CR1L: variants seen among roughly 807,000 people sequenced by gnomAD.
CR1L encodes complement component receptor 1-like protein.
A neutral mutation model predicts 62.3 loss-of-function variants in CR1L; 59 were observed. That is an observed-to-expected ratio of 0.95 (90% CI 0.77 to 1.18). The LOEUF (loss-of-function observed/expected upper bound fraction) is 1.18, where lower values mean the gene tolerates loss of function less well. Among genes scored for constraint, CR1L ranks in the 50% most tolerant of loss-of-function variants. CR1L has a pLI of 0.00. For missense variants in CR1L, 700 were observed against 702.8 expected, an observed-to-expected ratio of 1.00 and a Z score of 0.04; for synonymous variants, 279 against 248.7, an observed-to-expected ratio of 1.12 and a Z score of -1.15.
chr1:207,700,656 G>A lies in CR1L; in HGVS notation c.1229-863G>A, dbSNP rs141634529. ...CTGTGGCAGGGCTATTGTTATCACT[G>A]AGACTGATGATCAATATCAGTAAGT... On this transcript the variant is annotated intron_variant, in intron 8 of 11. Transcript: ENST00000508064. 6.1e-3 allele frequency among the ~76,000 whole-genome samples: 931 copies of A among 152,266 alleles called. 6 individuals carry two copies. The highest frequency in any genetic ancestry group is 0.021 in the African/African-American group (873 of 41,552).
chr1:207,693,246 T>G (rs1346827293), intron 4 of CR1L, among the ~76,000 whole-genome samples: 2 of 152,204 alleles, frequency 1.3e-5, no homozygotes, highest in Non-Finnish European at 2.9e-5. Flanking sequence ...GCCACCTCGG[T>G]AGCTGGGATT....
At chr1:207,673,979 C>T (rs193224801) in intron 1 of CR1L, among the ~76,000 whole-genome samples, 30 of 152,122 alleles carry the variant, frequency 2.0e-4, no homozygotes, top group Non-Finnish European at 4.0e-4. Flanking sequence ...TGAATATTAC[C>T]CAGCAACAAA....
intron 3 of CR1L, among the ~76,000 whole-genome samples, chr1:207,679,297 A>G (rs6687503): frequency 0.46 from 70,070 of 150,892 alleles, 16,747 homozygotes; most frequent in East Asian, 0.69. Flanking sequence ...GAGCCACCGC[A>G]CCCAGCCCAA....
At chr1:207,667,614 C>T (rs182380439) in intron 1 of CR1L, among the ~76,000 whole-genome samples, 20 of 152,270 alleles carry the variant, frequency 1.3e-4, no homozygotes, top group East Asian at 7.7e-4. Context: ...CAGCCTACCA[C>T]GCACTCCTCC....
intron 10 of CR1L, among the ~76,000 whole-genome samples, chr1:207,711,727 T>C (rs922520234): frequency 6.6e-5 from 10 of 152,044 alleles, no homozygotes; most frequent in African/African-American, 2.4e-4. Flanking sequence ...GCCAACATGG[T>C]GAAACCCTGT....
In CR1L at chr1:207,674,483, T is replaced by G. The variant is rs779650693; in HGVS notation, c.98-2906T>G. ...TAATAAAGAGGGAAAGGAAACTACATCAAGCATTCTTTGTTGAAGGCTCAT... is the reference window on the plus strand; with the variant it reads ...TAATAAAGAGGGAAAGGAAACTACAGCAAGCATTCTTTGTTGAAGGCTCAT... On this transcript the variant is annotated intron_variant, in intron 1 of 11. Coordinates refer to ENST00000508064, the MANE Select transcript of CR1L (RefSeq NM_175710.2). Among the ~76,000 whole-genome samples, 171 of 152,188 alleles carry G rather than the reference T, an allele frequency of 1.1e-3. 2 individuals are homozygous for G. The highest frequency in any genetic ancestry group is 2.3e-3 in the Non-Finnish European group (158 of 68,032).
intron 5 of CR1L, 74 bp downstream of exon 5, chr1:207,694,825 T>G: frequency 6.2e-7 from 1 of 1,606,690 alleles, no homozygotes; most frequent in Admixed American, 1.7e-5. Context: ...TTAGTATTTG[T>G]TCAGGGGGAG....
At chr1:207,654,138 A>G (rs142034906) in intron 1 of CR1L, among the ~76,000 whole-genome samples, 15 of 152,318 alleles carry the variant, frequency 9.8e-5, no homozygotes, top group African/African-American at 3.6e-4. Context: ...ATCACCTCTC[A>G]CTGCTGTTAC....
chr1:207,707,785 T>TACAC (rs10523807), intron 9 of CR1L, among the ~76,000 whole-genome samples: 12,724 of 126,692 alleles, frequency 0.1, 741 homozygotes, highest in African/African-American at 0.14. Flanking sequence ...GGCATAGTAT[T>TACAC]ACACACACAC....
intron 11 of CR1L, 66 bp from the exon 12 acceptor site, chr1:207,723,552 G>C: frequency 7.6e-7 from 1 of 1,313,334 alleles, no homozygotes; most frequent in Non-Finnish European, 1.1e-6. Flanking sequence ...GTCACTGGCT[G>C]AGAAGTCCTG....
At chr1:207,690,997 C>T (rs1348433605) in intron 4 of CR1L, among the ~76,000 whole-genome samples, 1 of 152,214 alleles carries the variant, frequency 6.6e-6, no homozygotes, top group African/African-American at 2.4e-5. Context: ...GGGTCACATT[C>T]ACAGGTTTCA....
At chr1:207,661,580 G>A (rs1663424868) in intron 1 of CR1L, among the ~76,000 whole-genome samples, 1 of 152,104 alleles carries the variant, frequency 6.6e-6, no homozygotes, top group African/African-American at 2.4e-5. Flanking sequence ...GCACACTGAT[G>A]GGTCTTGACT....
intron 1 of CR1L, among the ~76,000 whole-genome samples, chr1:207,653,744 A>G (rs1274415544): frequency 6.6e-6 from 1 of 152,214 alleles, no homozygotes; most frequent in East Asian, 1.9e-4. Flanking sequence ...GATACTGGAC[A>G]TTTAAGTGAA....
intron 9 of CR1L, among the ~76,000 whole-genome samples, chr1:207,704,064 A>T (rs1664234409): frequency 6.6e-6 from 1 of 152,258 alleles, no homozygotes; most frequent in Non-Finnish European, 1.5e-5. Context: ...TGAAAACTGC[A>T]GGAAAGAATT....
chr1:207,683,016 T>TTCTTTTTTTTTTTCTTTCTTTCTTTC (rs1663828458), intron 3 of CR1L, among the ~76,000 whole-genome samples: 1 of 143,562 alleles, frequency 7.0e-6, no homozygotes, highest in East Asian at 2.4e-4. Context: ...TTCTTTTTCT[T>TTCTTTTTTTTTTTCTTTCTTTCTTTC]TCTTTCTTTC....
At chr1:207,655,029 T>G (rs1450668892) in intron 1 of CR1L, among the ~76,000 whole-genome samples, 2 of 152,224 alleles carry the variant, frequency 1.3e-5, no homozygotes, top group Non-Finnish European at 2.9e-5. Context: ...TTGATTAAAT[T>G]GCAGATTTAT....
chr1:207,697,795 G>T lies in CR1L; in HGVS notation c.1064G>T (p.Gly355Val), dbSNP rs1194065171. Residue 355 changes from glycine to valine, a missense_variant, in exon 7 of 12, where the codon GGC becomes GTC. Physicochemically the swap from Gly to Val is moderately radical, Grantham distance 109. Transcript: ENST00000508064. ...GTGAAATCCTGTGATGACTTCCTGG[G>T]CCAACTTCCTAATGGCCATGTGCTA... ...CEVKSCDDFL[G>V]QLPNGHVLFP... 1 of 1,613,958 alleles carries T rather than the reference G, an allele frequency of 6.2e-7. No homozygotes were observed. The highest frequency in any genetic ancestry group is 1.1e-5 in the South Asian group (1 of 91,072).
At chr1:207,706,041 ATAT>A (rs779894205) in intron 9 of CR1L, among the ~76,000 whole-genome samples, 1,774 of 145,528 alleles carry the variant, frequency 0.012, 19 homozygotes, top group Non-Finnish European at 0.02. Flanking sequence ...ATATATATAT[ATAT>A]AAAACACTGA....
Position 207,714,942 on chromosome 1 carries a change from C to G in CR1L, c.1415-2522C>G, listed in dbSNP as rs1366779905. Among the ~76,000 whole-genome samples the G allele has an allele frequency of 2.0e-5, 3 of 152,162 alleles. 1 individual carries two copies. The East Asian group carries it at 5.8e-4, about 29-fold the overall frequency. On this transcript the variant is annotated intron_variant, in intron 10 of 11. Transcript: ENST00000508064. Reference sequence around the variant, plus strand: ...CCACTAATGAGAATAAGTGGGATGTCAGAGAGCCATCAATGAAAGATGACA... The same window carrying G: ...CCACTAATGAGAATAAGTGGGATGTGAGAGAGCCATCAATGAAAGATGACA...
Sources: allele counts gnomAD v4.1 joint callset (sites outside exome capture counted in the v4.1 genomes callset), GRCh38; gene constraint gnomAD v4.1.1; transcripts MANE v1.5; gene names NCBI Gene and HGNC (gene_info 2026-07-23, HGNC 2026-07-21).